The following PIN4 variants were observed in gnomAD, a reference collection of about 807,000 sequenced individuals.
PIN4 encodes peptidyl-prolyl cis-trans isomerase NIMA-interacting 4.
A neutral mutation model predicts 8.3 loss-of-function variants in PIN4; 3 were observed. That is an observed-to-expected ratio of 0.36 (90% CI 0.16 to 0.93). The LOEUF (loss-of-function observed/expected upper bound fraction) is 0.93, where lower values mean the gene tolerates loss of function less well. Among genes scored for constraint, PIN4 ranks in the 40% least tolerant of loss-of-function variants. The pLI, the probability that PIN4 is intolerant of heterozygous loss-of-function variation, is 0.44. For synonymous variants in PIN4, 18 were observed against 32.5 expected (o/e 0.55, Z 1.52); for missense variants, 75 against 100.6 (o/e 0.75, Z 1.09).
intron 3 of PIN4, among the ~76,000 whole-genome samples, chrX:72,219,288 T>G (rs1355963072): frequency 9.4e-6 from 1 of 106,347 alleles, no homozygotes; most frequent in Non-Finnish European, 1.9e-5. Flanking sequence ...GTGCGGTGGC[T>G]CATGCCTGTA....
At chrX:72,237,207 A>C (rs1383884865) in intron 3 of PIN4, among the ~76,000 whole-genome samples, 1 of 111,671 alleles carries the variant, frequency 9.0e-6, no homozygotes, top group African/African-American at 3.3e-5. Context: ...GGAAAAATCT[A>C]AATGAAAGGC....
At chrX:72,228,366 C>T (rs1270385474) in intron 3 of PIN4, among the ~76,000 whole-genome samples, 2 of 111,628 alleles carry the variant, frequency 1.8e-5, no homozygotes, top group Non-Finnish European at 3.8e-5. Context: ...CTTACCATAC[C>T]CACAGCAGCA....
intron 3 of PIN4, 197 bp downstream of exon 3, chrX:72,197,101 A>G: frequency 2.2e-6 from 1 of 464,982 alleles, no homozygotes; most frequent in Non-Finnish European, 3.6e-6. Context: ...CAACTTGTAA[A>G]TAGTAGAATA....
At chrX:72,243,382 GT>G (rs1232430661) in intron 3 of PIN4, among the ~76,000 whole-genome samples, 4,306 of 104,267 alleles carry the variant, frequency 0.041, 74 homozygotes, top group Middle Eastern at 0.087. Flanking sequence ...TGGTATTGCT[GT>G]TTTTTTTTTT....
intron 3 of PIN4, among the ~76,000 whole-genome samples, chrX:72,209,880 T>C (rs751686559): frequency 4.5e-5 from 5 of 111,383 alleles, no homozygotes; most frequent in African/African-American, 6.5e-5. Context: ...TGGATATCCA[T>C]GTGCAAAAGA....
chrX:72,212,613 C>T (rs1477878753), intron 3 of PIN4, among the ~76,000 whole-genome samples: 2 of 111,839 alleles, frequency 1.8e-5, no homozygotes, highest in African/African-American at 6.5e-5. Flanking sequence ...CTATGGAGGG[C>T]CCTTTAGAAC....
chrX:72,203,511 T>G (rs911649869), intron 3 of PIN4, among the ~76,000 whole-genome samples: 4 of 111,517 alleles, frequency 3.6e-5, no homozygotes, highest in South Asian at 7.6e-4. Flanking sequence ...ATGCTAACCC[T>G]GGGTAGTGTC....
At chrX:72,203,185 G>A (rs931759651), downstream of PIN4, among the ~76,000 whole-genome samples, 1 of 112,089 alleles carries the variant, frequency 8.9e-6, no homozygotes, top group Non-Finnish European at 1.9e-5. Flanking sequence ...CAAAATGTTG[G>A]GAGGGTGGTG....
intron 3 of PIN4, among the ~76,000 whole-genome samples, chrX:72,211,050 T>G (rs2042851395): frequency 1.8e-5 from 2 of 112,122 alleles, no homozygotes; most frequent in Admixed American, 1.9e-4. Flanking sequence ...AAGACTAGAA[T>G]GCTTTTTACA....
intron 3 of PIN4, among the ~76,000 whole-genome samples, chrX:72,219,793 G>A (rs1057018837): frequency 5.7e-5 from 6 of 105,212 alleles, no homozygotes; most frequent in East Asian, 3.0e-4. Context: ...AGATTGCAGC[G>A]AGTCAAGGTT....
chrX:72,250,675 C>T (rs2043082774), intron 3 of PIN4, among the ~76,000 whole-genome samples: 2 of 108,823 alleles, frequency 1.8e-5, no homozygotes, highest in Admixed American at 2.0e-4. Flanking sequence ...ATAATGAGAC[C>T]CGTCTCTACG....
chrX:72,207,109 A>C (rs757416133), intron 3 of PIN4: 1 of 1,212,000 alleles, frequency 8.3e-7, no homozygotes, highest in Admixed American at 2.2e-5. Context: ...AGGGTCAAAA[A>C]TGACCACTCT....
chrX:72,188,139 G>GC (rs2042712801), intron 2 of PIN4, among the ~76,000 whole-genome samples: 1 of 111,811 alleles, frequency 8.9e-6, no homozygotes, highest in Admixed American at 9.5e-5. Context: ...ATAAAACATA[G>GC]CCCCTAAATA....
chrX:72,252,791 T>C (rs1055655777), intron 3 of PIN4, among the ~76,000 whole-genome samples: 2 of 111,812 alleles, frequency 1.8e-5, no homozygotes, highest in Admixed American at 9.5e-5. Context: ...ACCATCCCGT[T>C]TTGGGTTAGA....
intron 2 of PIN4, among the ~76,000 whole-genome samples, chrX:72,188,533 A>G (rs2042715498): frequency 9.0e-6 from 1 of 110,737 alleles, no homozygotes; most frequent in African/African-American, 3.3e-5. Context: ...AGTTTTTTGT[A>G]TTTTTAGTAG....
chrX:72,190,107 A>C (rs1037877131), intron 2 of PIN4, among the ~76,000 whole-genome samples: 6 of 109,979 alleles, frequency 5.5e-5, no homozygotes, highest in African/African-American at 2.0e-4. Context: ...CCTCAAGCCC[A>C]CCCTAATCTC....
chrX:72,200,046 G>A (rs755000853), downstream of PIN4, among the ~76,000 whole-genome samples: 5 of 109,998 alleles, frequency 4.5e-5, no homozygotes, highest in East Asian at 1.4e-3. Flanking sequence ...TGTGCTTGTA[G>A]TCCCAACTAC....
chrX:72,261,227 C>T (rs2043138264), intron 3 of PIN4, among the ~76,000 whole-genome samples: 1 of 98,151 alleles, frequency 1.0e-5, no homozygotes, highest in East Asian at 3.7e-4. Flanking sequence ...ATCCGGGAGG[C>T]GGAGGTTGCA....
At chrX:72,257,353 G>A (rs112772280) in intron 3 of PIN4, among the ~76,000 whole-genome samples, 15,697 of 109,127 alleles carry the variant, frequency 0.14, 1,533 homozygotes, top group East Asian at 0.47. Flanking sequence ...GAAAAGTGAC[G>A]TGATTTGACT....
Sources: gnomAD v4.1 joint callset for allele counts (sites outside exome capture counted in the v4.1 genomes callset) on GRCh38, gnomAD v4.1.1 for gene constraint, MANE v1.5 for transcripts, NCBI Gene and HGNC (gene_info 2026-07-23, HGNC 2026-07-21) for gene names.